BRD4: variants seen among roughly 807,000 people sequenced by gnomAD.
BRD4 encodes the protein bromodomain containing 4, also known as bromodomain-containing protein 4.
BRD4 carries 16 observed loss-of-function variants against 142.1 expected under a neutral mutation model. The ratio of observed to expected loss-of-function variants is 0.11; its 90% CI spans 0.08 to 0.17. The LOEUF is 0.17. BRD4 is among the 10% of genes least tolerant of loss of function. The pLI, the probability that BRD4 is intolerant of heterozygous loss-of-function variation, is 1.00. For synonymous variants in BRD4, 833 were observed against 707.5 expected (o/e 1.18, Z -2.82); for missense variants, 1,424 against 1,810.9 (o/e 0.79, Z 3.88).
chr19:15,283,029 T>C (rs998585842), intron 1 of BRD4, among the ~76,000 whole-genome samples: 2 of 152,330 alleles, frequency 1.3e-5, no homozygotes, highest in Non-Finnish European at 1.5e-5. Flanking sequence ...TGTGAATTTA[T>C]GGATTAAAAC....
intron 1 of BRD4, among the ~76,000 whole-genome samples, chr19:15,293,447 C>G (rs2047799540): frequency 1.3e-5 from 2 of 152,158 alleles, no homozygotes; most frequent in African/African-American, 2.4e-5. Context: ...CAGCTGGCAA[C>G]TCGATAGCAG....
chr19:15,290,192 C>T (rs1238166702), intron 1 of BRD4, among the ~76,000 whole-genome samples: 14 of 152,124 alleles, frequency 9.2e-5, no homozygotes, highest in Admixed American at 9.2e-4. Context: ...AAGCTCCCAT[C>T]GAGGCCTCCT....
chr19:15,263,844 A>G (rs1351797906), intron 6 of BRD4, among the ~76,000 whole-genome samples: 3 of 152,236 alleles, frequency 2.0e-5, no homozygotes, highest in Non-Finnish European at 4.4e-5. Context: ...GGCTGGGCCC[A>G]GCTCATCGTG....
At chr19:15,256,344 A>G (rs927787094) in intron 8 of BRD4, 81 bp from the exon 9 acceptor site, 1 of 1,537,864 alleles carries the variant, frequency 6.5e-7, no homozygotes, top group African/African-American at 1.4e-5. Context: ...CTGCTCCAAA[A>G]AACATGCGAC....
chr19:15,240,745 TGCAGCTGGA>T (rs2047232019), intron 14 of BRD4, among the ~76,000 whole-genome samples: 2 of 152,210 alleles, frequency 1.3e-5, no homozygotes. Flanking sequence ...CTCGGGACTG[TGCAGCTGGA>T]GCAGCTGAGT....
At chr19:15,324,580 A>G (rs1027014743) in intron 1 of BRD4, among the ~76,000 whole-genome samples, 1 of 152,236 alleles carries the variant, frequency 6.6e-6, no homozygotes, top group Non-Finnish European at 1.5e-5. Context: ...CACCAAGCCC[A>G]GATGCCAATA....
intron 7 of BRD4, among the ~76,000 whole-genome samples, chr19:15,260,815 A>AC (rs961668052): frequency 3.3e-5 from 5 of 150,294 alleles, no homozygotes; most frequent in African/African-American, 1.2e-4. Context: ...AAAAAAAAAA[A>AC]CCACTTAAAA....
At chr19:15,319,898 T>C (rs2048046855) in intron 1 of BRD4, among the ~76,000 whole-genome samples, 1 of 152,186 alleles carries the variant, frequency 6.6e-6, no homozygotes, top group African/African-American at 2.4e-5. Context: ...ATCATGCCAC[T>C]GCACTACGGC....
chr19:15,331,026 A>G (rs2048152503), intron 1 of BRD4, among the ~76,000 whole-genome samples: 1 of 152,138 alleles, frequency 6.6e-6, no homozygotes, highest in Non-Finnish European at 1.5e-5. Flanking sequence ...GTAAGCAAAG[A>G]CATTCCAATT....
chr19:15,299,569 C>T (rs1455931433), intron 1 of BRD4, among the ~76,000 whole-genome samples: 1 of 152,156 alleles, frequency 6.6e-6, no homozygotes, highest in Admixed American at 6.5e-5. Flanking sequence ...ACACAATTTT[C>T]GATTTTGTGA....
chr19:15,316,622 G>T (rs1015857395), intron 1 of BRD4, among the ~76,000 whole-genome samples: 4 of 152,132 alleles, frequency 2.6e-5, no homozygotes, highest in African/African-American at 9.7e-5. Flanking sequence ...AGAAAAAATA[G>T]AAGTGAAACC....
In BRD4 at chr19:15,243,134, G is replaced by C. The variant is rs1236171366; in HGVS notation, c.2935C>G (p.Pro979Ala). 2.0e-5 allele frequency: 25 copies of C among 1,267,016 alleles called. No homozygotes were observed. The Admixed American group carries it at 5.9e-4, about 30-fold the overall frequency. The allele number at this position is 1,267,016 out of a possible 1,614,324, so 78.5% of individuals were successfully genotyped here. ...TGGGGTGGAGGCTGGGGCTGGGGTGGTGGGGGTGGTGGCGGCTGCTGCTGC... is the reference window on the plus strand; with the variant it reads ...TGGGGTGGAGGCTGGGGCTGGGGTGCTGGGGGTGGTGGCGGCTGCTGCTGC... ...QLQQQPPPPP[P>A]PQPQPPPQQQ... Residue 979 changes from proline (P) to alanine (A), a missense_variant, in exon 14 of 20, where the codon CCA becomes GCA. Physicochemically the swap from Pro to Ala is conservative, Grantham distance 27. Coordinates refer to ENST00000679869, the MANE Select transcript of BRD4 (RefSeq NM_001379291.1).
intron 7 of BRD4, among the ~76,000 whole-genome samples, chr19:15,262,274 G>C (rs1943144794): frequency 6.6e-6 from 1 of 152,184 alleles, no homozygotes. Context: ...AGCCAGGTGT[G>C]CAGAAGCCCG....
chr19:15,246,410 G>T (rs2047286711), intron 11 of BRD4: 1 of 152,486 alleles, frequency 6.6e-6, no homozygotes, highest in South Asian at 2.1e-4. Context: ...CGCGCTGTCT[G>T]GGGGCATGCT....
At chr19:15,317,792 TAG>T (rs1297881497) in intron 1 of BRD4, among the ~76,000 whole-genome samples, 2 of 152,188 alleles carry the variant, frequency 1.3e-5, no homozygotes, top group Non-Finnish European at 2.9e-5. Flanking sequence ...AAGGGCCCAA[TAG>T]AGAGACCGCT....
In BRD4 at chr19:15,237,744, T is replaced by C; in HGVS notation, c.*633A>G. 4.3e-6 allele frequency: 1 copy of C among 232,428 alleles called. No individual in the cohort carries two copies. The highest frequency in any genetic ancestry group is 6.1e-5 in the East Asian group (1 of 16,522). 14.4% of individuals were successfully genotyped at this position (232,428 alleles called of 1,614,324 possible). On this transcript the variant is annotated 3_prime_UTR_variant, in exon 20 of 20. Coordinates refer to ENST00000679869, the MANE Select transcript of BRD4 (RefSeq NM_001379291.1). ...GACAGTCGCCTCGCTCCGGATGCCATGGACACACACACCTCCACGGCACTA... is the reference window on the plus strand; with the variant it reads ...GACAGTCGCCTCGCTCCGGATGCCACGGACACACACACCTCCACGGCACTA...
chr19:15,295,689 G>A lies in BRD4; in HGVS notation c.-34-22556C>T, dbSNP rs370071253. Among the ~76,000 whole-genome samples, 10 of 152,358 alleles carry A rather than the reference G, an allele frequency of 6.6e-5. No individual in the cohort carries two copies. In the South Asian group the frequency reaches 1.9e-3, roughly 28 times the overall value. On this transcript the variant is annotated intron_variant, in intron 1 of 19. Transcript: ENST00000679869. ...GAAGAAATAAAACTGCCTTTGTGGG[G>A]GCTGCGTGCGGTGGCTCACGCCTGT... is the stretch of plus-strand genomic sequence containing the variant.
chr19:15,331,872 TTCC>T lies in BRD4; in HGVS notation c.-35+415_-35+417del, dbSNP rs749102193. 226 of 140,134 alleles carry T rather than the reference TTCC, an allele frequency of 1.6e-3. 1 individual carries two copies. The highest frequency in any genetic ancestry group is 4.4e-3 in the African/African-American group (170 of 38,368). 8.7% of individuals were successfully genotyped at this position (140,134 alleles called of 1,614,324 possible). On this transcript the variant is annotated intron_variant, in intron 1 of 19. Transcript: ENST00000679869. ...GCGCCGCGGACCCCGCGGCGGCCGC[TTCC>T]TCCTCCTCCTCCTCCTCCTCACTTA...
chr19:15,307,029 T>G (rs1280954119), intron 1 of BRD4, among the ~76,000 whole-genome samples: 1 of 151,848 alleles, frequency 6.6e-6, no homozygotes, highest in Non-Finnish European at 1.5e-5. Flanking sequence ...TAAAACGAGG[T>G]ATACCTATAC....
Sources: allele counts gnomAD v4.1 joint callset (sites outside exome capture counted in the v4.1 genomes callset), GRCh38; gene constraint gnomAD v4.1.1; transcripts MANE v1.5; gene names NCBI Gene and HGNC (gene_info 2026-07-23, HGNC 2026-07-21).